PRRX2: variants seen among roughly 807,000 people sequenced by gnomAD.
PRRX2 encodes paired mesoderm homeobox protein 2.
In PRRX2, 11 loss-of-function variants were observed where a neutral mutation model predicts 18.0. The observed-to-expected ratio is 0.61, with a 90% CI of 0.39 to 1.01. The LOEUF is 1.01. Among genes scored for constraint, PRRX2 ranks in the 50% least tolerant of loss-of-function variants. The probability of loss-of-function intolerance (pLI) is 0.01; values close to 1 mark genes in which losing one functional copy is unlikely to be tolerated. For missense variants in PRRX2, 387 were observed against 351.0 expected (o/e 1.10, Z -0.82); for synonymous variants, 177 against 154.8 (o/e 1.14, Z -1.06).
At position 129,665,897 on chromosome 9, in the gene PRRX2, G is replaced by A. The variant is rs1459360563; in HGVS notation, c.30G>A (p.Leu10=). The change falls in exon 1 of 4, where the codon CTG becomes CTA. Residue 10 remains leucine (L), a synonymous_variant. Transcript: ENST00000372469. The surrounding 1 kb of genome is among the most constrained non-coding windows in gnomAD (Gnocchi z 5.3). ...ACAGCGCGGCCGCCGCCTTCGCCCT[G>A]GACAAGCCGGCGCTGGGCCCGGGGC... is the stretch of plus-strand genomic sequence containing the variant. MDSAAAAFA[L]DKPALGPGPP... 33 of 1,100,046 alleles carry A rather than the reference G, an allele frequency of 3.0e-5. No homozygotes were observed. Among genetic ancestry groups the A allele is most frequent in the Non-Finnish European group, 3.4e-5 (31 of 907,026 alleles). 68.1% of individuals were successfully genotyped at this position (1,100,046 alleles called of 1,614,324 possible).
In PRRX2 at chr9:129,684,135, G is replaced by A. The variant is rs535179657; in HGVS notation, c.259+18009G>A. On this transcript the variant is annotated intron_variant, in intron 1 of 3. Transcript: ENST00000372469. ...GACCTGGGGGTGAGGGGTTCCTGGAGTGGGAGCCACACTACTCTAGTTCTG... is the reference window on the plus strand; with the variant it reads ...GACCTGGGGGTGAGGGGTTCCTGGAATGGGAGCCACACTACTCTAGTTCTG... Among the ~76,000 whole-genome samples, 251 of 152,298 alleles carry A rather than the reference G, an allele frequency of 1.6e-3. 1 individual carries two copies. Among genetic ancestry groups the A allele is most frequent in the African/African-American group, 5.8e-3 (242 of 41,564 alleles).
In PRRX2 at chr9:129,675,577, C is replaced by T. The variant is rs1484042170; in HGVS notation, c.259+9451C>T. Reference sequence around the variant, plus strand: ...ATGGGGATCCACTGCCCCCAGGGGGCGGCTGCCTTGCCCCAGACTTTGTCC... The same window carrying T: ...ATGGGGATCCACTGCCCCCAGGGGGTGGCTGCCTTGCCCCAGACTTTGTCC... On this transcript the variant is annotated intron_variant, in intron 1 of 3. Coordinates refer to ENST00000372469, the MANE Select transcript of PRRX2 (RefSeq NM_016307.4). The surrounding 1 kb of genome is among the most constrained non-coding windows in gnomAD (Gnocchi z 4.4). Among the ~76,000 whole-genome samples, 8 of 152,032 alleles carry T rather than the reference C, an allele frequency of 5.3e-5. No individual in the cohort carries two copies. The South Asian group carries it at 8.3e-4, about 16-fold the overall frequency.
chr9:129,669,259 G>A (rs905546338), intron 1 of PRRX2, among the ~76,000 whole-genome samples: 2 of 152,172 alleles, frequency 1.3e-5, no homozygotes, highest in African/African-American at 2.4e-5. Flanking sequence ...AGAAATGGCC[G>A]GGAAGACCGT....
rs1256671530 is a variant in PRRX2 at position 129,665,850 on chromosome 9, C to G, written c.-18C>G. 4 of 1,037,084 alleles carry G rather than the reference C, an allele frequency of 3.9e-6. No individual in the cohort carries two copies. The highest frequency in any genetic ancestry group is 3.5e-5 in the African/African-American group (2 of 57,964). The allele number at this position is 1,037,084 out of a possible 1,614,324, so 64.2% of individuals were successfully genotyped here. On this transcript the variant is annotated 5_prime_UTR_variant, in exon 1 of 4. Coordinates refer to ENST00000372469, the MANE Select transcript of PRRX2 (RefSeq NM_016307.4). This position sits in a 1 kb window ranked among gnomAD's most constrained non-coding sequence, Gnocchi z 5.3. The stretch of plus-strand genomic sequence containing the variant: ...GAGCCCGAGACCCCCGCCGGCCCCC[C>G]CGGGGCCGCTCGCGGGCATGGACAG...
At chr9:129,692,669 T>C (rs747871684) in intron 1 of PRRX2, among the ~76,000 whole-genome samples, 12 of 152,240 alleles carry the variant, frequency 7.9e-5, no homozygotes, top group South Asian at 2.1e-4. Flanking sequence ...CCTCTTGAGG[T>C]TGGCTTCTTT....
At chr9:129,702,875 G>C (rs1298454098) in intron 1 of PRRX2, among the ~76,000 whole-genome samples, 1 of 152,228 alleles carries the variant, frequency 6.6e-6, no homozygotes, top group Admixed American at 6.5e-5. Flanking sequence ...CAAGGGGGGC[G>C]GGGCAGCTCC....
chr9:129,702,634 CT>C (rs748940788), intron 1 of PRRX2, among the ~76,000 whole-genome samples: 1 of 152,192 alleles, frequency 6.6e-6, no homozygotes, highest in Non-Finnish European at 1.5e-5. Context: ...AGAGTGTGGA[CT>C]GGTGTCTTTC....
At chr9:129,718,839 G>C (rs1215378055) in intron 1 of PRRX2, among the ~76,000 whole-genome samples, 1 of 152,156 alleles carries the variant, frequency 6.6e-6, no homozygotes, top group African/African-American at 2.4e-5. Context: ...GCCTGGGCCG[G>C]GTGCTGGGGA....
chr9:129,717,340 G>A (rs771672867), intron 1 of PRRX2, among the ~76,000 whole-genome samples: 4 of 152,086 alleles, frequency 2.6e-5, no homozygotes, highest in Non-Finnish European at 5.9e-5. Context: ...GAAGTGATGG[G>A]ATTACAGGTG....
intron 1 of PRRX2, among the ~76,000 whole-genome samples, chr9:129,676,940 A>C (rs958584588): frequency 6.6e-6 from 1 of 152,250 alleles, no homozygotes; most frequent in Non-Finnish European, 1.5e-5. Flanking sequence ...ATTTCCCCTC[A>C]TGGTGAAGCC....
In PRRX2 at chr9:129,719,214, C is replaced by G. The variant is rs772088334; in HGVS notation, c.260-17C>G. On this transcript the variant is annotated splice_polypyrimidine_tract_variant and intron_variant, in intron 1 of 3. Coordinates refer to ENST00000372469, the MANE Select transcript of PRRX2 (RefSeq NM_016307.4). Reference sequence around the variant, plus strand: ...CTGGCCGTCCTGCTGACCATCCCGCCCCCCCAACCTCCGCAGGTGAGTGTC... The same window carrying G: ...CTGGCCGTCCTGCTGACCATCCCGCGCCCCCAACCTCCGCAGGTGAGTGTC... The G allele has an allele frequency of 1.9e-6, 3 of 1,550,964 alleles. No homozygotes were observed. The highest frequency in any genetic ancestry group is 2.7e-5 in the African/African-American group (2 of 73,250).
chr9:129,671,210 G>A lies in PRRX2; in HGVS notation c.259+5084G>A, dbSNP rs930374924. On this transcript the variant is annotated intron_variant, in intron 1 of 3. Transcript: ENST00000372469. This position sits in a 1 kb window ranked among gnomAD's most constrained non-coding sequence, Gnocchi z 4.0. ...ATGATCATGTCTCAGCAGGAGCCGG[G>A]GAGCAGGGAGGGAGGAGGAGTGAGT... 1.3e-5 allele frequency among the ~76,000 whole-genome samples: 2 copies of A among 152,240 alleles called. No homozygotes were observed. The highest frequency in any genetic ancestry group is 4.8e-5 in the African/African-American group (2 of 41,458).
At position 129,709,558 on chromosome 9, in the gene PRRX2, C is replaced by T. The variant is rs970107132; in HGVS notation, c.260-9673C>T. Among the ~76,000 whole-genome samples the T allele has an allele frequency of 1.3e-5, 2 of 152,160 alleles. No individual in the cohort carries two copies. Among genetic ancestry groups the T allele is most frequent in the Non-Finnish European group, 2.9e-5 (2 of 68,016 alleles). The stretch of plus-strand genomic sequence containing the variant: ...TCGCTCTTGTGTGCTGTGCCGAGGC[C>T]GGGGAAGCCATGGGATGGGGCCCCC... On this transcript the variant is annotated intron_variant, in intron 1 of 3. Coordinates refer to ENST00000372469, the MANE Select transcript of PRRX2 (RefSeq NM_016307.4). This position sits in a 1 kb window ranked among gnomAD's most constrained non-coding sequence, Gnocchi z 4.2.
rs960334568 is a variant in PRRX2 at position 129,686,707 on chromosome 9, C to T, written c.259+20581C>T. On this transcript the variant is annotated intron_variant, in intron 1 of 3. Coordinates refer to ENST00000372469, the MANE Select transcript of PRRX2 (RefSeq NM_016307.4). ...TCTTACTTTTGCAGCCTGGGTGCCT[C>T]CCTCACCTTGCCCCACACCAGGACC... Among the ~76,000 whole-genome samples, 11 of 152,304 alleles carry T rather than the reference C, an allele frequency of 7.2e-5. No individual in the cohort carries two copies. In the South Asian group the frequency reaches 2.1e-3, roughly 29 times the overall value.
chr9:129,687,928 GTC>G (rs1213792241), intron 1 of PRRX2, among the ~76,000 whole-genome samples: 1 of 152,238 alleles, frequency 6.6e-6, no homozygotes, highest in African/African-American at 2.4e-5. Flanking sequence ...AGCGGGGACA[GTC>G]TGTCACTCAG....
intron 1 of PRRX2, among the ~76,000 whole-genome samples, chr9:129,700,868 C>T (rs1832485329): frequency 6.6e-6 from 1 of 152,358 alleles, no homozygotes; most frequent in African/African-American, 2.4e-5. Context: ...ATCCACCCGC[C>T]TCAGCCTCCC....
chr9:129,713,723 C>T (rs1169219598), intron 1 of PRRX2, among the ~76,000 whole-genome samples: 1 of 151,680 alleles, frequency 6.6e-6, no homozygotes, highest in South Asian at 2.1e-4. Flanking sequence ...CTCCGCCTGC[C>T]GGGTTCAAGT....
intron 1 of PRRX2, among the ~76,000 whole-genome samples, chr9:129,686,212 C>T (rs929673487): frequency 6.6e-6 from 1 of 152,164 alleles, no homozygotes; most frequent in East Asian, 1.9e-4. Flanking sequence ...GGCATGTAGG[C>T]TCCCCTTCTG....
intron 1 of PRRX2, among the ~76,000 whole-genome samples, chr9:129,708,614 T>G (rs1380514483): frequency 6.6e-6 from 1 of 152,248 alleles, no homozygotes; most frequent in African/African-American, 2.4e-5. Flanking sequence ...TTCTGTGGGT[T>G]GTCTTTTCAG....
Sources: allele counts gnomAD v4.1 joint callset (sites outside exome capture counted in the v4.1 genomes callset), GRCh38; gene constraint gnomAD v4.1.1; non-coding constraint Gnocchi (gnomAD v3.1); transcripts MANE v1.5; gene names NCBI Gene and HGNC (gene_info 2026-07-23, HGNC 2026-07-21).